Variants in OARD1 observed in about 807,000 individuals in gnomAD.
OARD1 encodes ADP-ribose glycohydrolase OARD1.
OARD1 carries 19 observed loss-of-function variants against 19.7 expected under a neutral mutation model. The ratio of observed to expected loss-of-function variants is 0.96; its 90% CI spans 0.67 to 1.41. The LOEUF is 1.41. OARD1 is among the 40% of genes most tolerant of loss of function. The probability of loss-of-function intolerance (pLI) is 0.00; values close to 1 mark genes in which losing one functional copy is unlikely to be tolerated. For synonymous variants in OARD1, 70 were observed against 61.8 expected, an observed-to-expected ratio of 1.13 and a Z score of -0.62; for missense variants, 190 against 183.8, an observed-to-expected ratio of 1.03 and a Z score of -0.20.
intron 1 of OARD1, among the ~76,000 whole-genome samples, chr6:41,087,048 A>G (rs1176832896): frequency 6.6e-6 from 1 of 152,232 alleles, no homozygotes; most frequent in Non-Finnish European, 1.5e-5. Context: ...TTTAATACAT[A>G]CAACCGAGTT....
chr6:41,095,486 C>G (rs577930624), intron 1 of OARD1, among the ~76,000 whole-genome samples: 1 of 152,162 alleles, frequency 6.6e-6, no homozygotes, highest in African/African-American at 2.4e-5. Flanking sequence ...TTTTTGGAGG[C>G]AGTGGTGTGA....
At chr6:41,091,528 T>C in intron 1 of OARD1, 1 of 1,613,256 alleles carries the variant, frequency 6.2e-7, no homozygotes, top group Non-Finnish European at 8.5e-7. Flanking sequence ...TTTCTTAAAG[T>C]TACAGTCCCT....
In OARD1 at chr6:41,071,597, C is replaced by G; in HGVS notation, c.38G>C (p.Arg13Thr). Residue 13 changes from arginine to threonine, a missense_variant and splice_region_variant, in exon 2 of 6, where the codon AGA becomes ACA. Physicochemically the swap from Arg to Thr is moderately conservative, Grantham distance 71 (BLOSUM62 -1). Transcript: ENST00000424266. ...SSLNEDPEGSRITYVKGDLFA... is the reference protein window; with the variant it reads ...SSLNEDPEGSTITYVKGDLFA... ...AATAAGTCAATAGTTGTTACGCACT[C>G]TGCTTCCTTCTGGATCTTCATTAAG... 1 of 1,612,570 alleles carries G rather than the reference C, an allele frequency of 6.2e-7. No individual in the cohort carries two copies. The highest frequency in any genetic ancestry group is 8.5e-7 in the Non-Finnish European group (1 of 1,178,494).
chr6:41,081,697 T>C (rs1325977174), intron 1 of OARD1, among the ~76,000 whole-genome samples: 4 of 152,184 alleles, frequency 2.6e-5, no homozygotes, highest in African/African-American at 9.7e-5. Flanking sequence ...ATCTAAGCAC[T>C]GAATCTTGTT....
chr6:41,082,648 C>T (rs1216029984), intron 1 of OARD1, among the ~76,000 whole-genome samples: 1 of 152,126 alleles, frequency 6.6e-6, no homozygotes, highest in Non-Finnish European at 1.5e-5. Flanking sequence ...TAATAGAAAC[C>T]TTTCCTCTAG....
upstream of OARD1, among the ~76,000 whole-genome samples, chr6:41,076,767 A>G (rs1763743277): frequency 6.6e-6 from 1 of 152,214 alleles, no homozygotes; most frequent in Admixed American, 6.5e-5. Flanking sequence ...ATCTTGGGCA[A>G]AGAGGCACTT....
intron 1 of OARD1, among the ~76,000 whole-genome samples, chr6:41,086,857 ATATTTGC>A (rs1409340461): frequency 3.9e-5 from 6 of 152,220 alleles, no homozygotes; most frequent in Non-Finnish European, 2.9e-5. Flanking sequence ...ATTTTAAAAA[ATATTTGC>A]TAGGTGGATT....
At chr6:41,093,065 A>G in intron 1 of OARD1, 1 of 1,614,146 alleles carries the variant, frequency 6.2e-7, no homozygotes, top group Non-Finnish European at 8.5e-7. Context: ...GGCAGAAGGG[A>G]AAATTCCAAA....
intron 1 of OARD1, among the ~76,000 whole-genome samples, chr6:41,095,767 A>G (rs147875157): frequency 3.7e-3 from 561 of 152,194 alleles, no homozygotes; most frequent in Admixed American, 7.7e-3. Context: ...AAGTTGTTGA[A>G]TTTTTCAAGA....
At position 41,089,531 on chromosome 6, in the gene OARD1, G is replaced by A. The variant is rs772826119; in HGVS notation, c.-42+8182C>T. The A allele has an allele frequency of 3.3e-6, 5 of 1,505,296 alleles. No homozygotes were observed. The East Asian group carries it at 1.2e-4, about 37-fold the overall frequency. 93.2% of individuals were successfully genotyped at this position (1,505,296 alleles called of 1,614,324 possible). ...TGGATAACTCTCGGGGACCAAAGGA[G>A]ACCAGTGTCAGTAGAGTACAATCCT... is the stretch of plus-strand genomic sequence containing the variant. On this transcript the variant is annotated intron_variant, in intron 1 of 4. Coordinates refer to the OARD1 transcript ENST00000480585.
chr6:41,075,832 T>G (rs957753565), upstream of OARD1: 6 of 152,214 alleles, frequency 3.9e-5, no homozygotes, highest in African/African-American at 1.4e-4. Context: ...CAGTATAGGT[T>G]TTTAGTCCAT....
chr6:41,088,316 G>A (rs557751788), intron 1 of OARD1, among the ~76,000 whole-genome samples: 75 of 151,068 alleles, frequency 5.0e-4, no homozygotes, highest in African/African-American at 1.7e-3. Flanking sequence ...CCAGCTACTC[G>A]GGAGGCTGAG....
intron 1 of OARD1, among the ~76,000 whole-genome samples, chr6:41,088,651 C>A (rs1177536905): frequency 6.6e-6 from 1 of 151,658 alleles, no homozygotes; most frequent in Non-Finnish European, 1.5e-5. Context: ...TGGTGCGGAT[C>A]TTGGCTCACT....
intron 2 of OARD1, 104 bp downstream of exon 2, chr6:41,071,491 GA>G (rs1259287956): frequency 1.1e-5 from 13 of 1,146,174 alleles, no homozygotes; most frequent in Non-Finnish European, 1.6e-5. Context: ...CAGCTAGAGA[GA>G]AAAAAAGATA....
intron 1 of OARD1, among the ~76,000 whole-genome samples, chr6:41,079,937 TC>T (rs1763861287): frequency 6.6e-6 from 1 of 152,146 alleles, no homozygotes; most frequent in Admixed American, 6.5e-5. Flanking sequence ...AAAGACGAAC[TC>T]CCCTGATAGC....
At chr6:41,079,400 C>G (rs946989313) in intron 1 of OARD1, among the ~76,000 whole-genome samples, 2 of 152,216 alleles carry the variant, frequency 1.3e-5, no homozygotes, top group Non-Finnish European at 2.9e-5. Flanking sequence ...GTAAAAACAT[C>G]TAGTCTGGTT....
chr6:41,073,552 C>T (rs1231229516), upstream of OARD1, among the ~76,000 whole-genome samples: 1 of 152,080 alleles, frequency 6.6e-6, no homozygotes, highest in African/African-American at 2.4e-5. Flanking sequence ...GAAGCCTCCC[C>T]GGGGCCCGCG....
chr6:41,080,882 C>T (rs1446224712), intron 1 of OARD1: 1 of 1,613,842 alleles, frequency 6.2e-7, no homozygotes, highest in South Asian at 1.1e-5. Flanking sequence ...GCCAGCAAGT[C>T]CAGACCCTCC....
chr6:41,077,291 C>T (rs563267064), upstream of OARD1, among the ~76,000 whole-genome samples: 101 of 152,148 alleles, frequency 6.6e-4, 2 homozygotes, highest in Admixed American at 9.8e-4. Context: ...TGAGTTTTGA[C>T]AAATTTGTAC....
Sources: gnomAD v4.1 joint callset for allele counts (sites outside exome capture counted in the v4.1 genomes callset) on GRCh38, gnomAD v4.1.1 for gene constraint, MANE v1.5 for transcripts, NCBI Gene and HGNC (gene_info 2026-07-23, HGNC 2026-07-21) for gene names.